MATR3: variants seen among roughly 807,000 people sequenced by gnomAD.
The protein encoded by MATR3 is matrin 3.
MATR3 carries 4 observed loss-of-function variants against 85.5 expected under a neutral mutation model. The ratio of observed to expected loss-of-function variants is 0.05; its 90% CI spans 0.02 to 0.11. The LOEUF is 0.11. Ranked by LOEUF, MATR3 falls within the 10% of genes least tolerant of loss-of-function variation. The probability of loss-of-function intolerance (pLI) is 1.00; values close to 1 mark genes in which losing one functional copy is unlikely to be tolerated. For synonymous variants in MATR3, 336 were observed against 343.1 expected (o/e 0.98, Z 0.23); for missense variants, 685 against 1,016.1 (o/e 0.67, Z 4.43).
chr5:139,322,913 A>G lies in MATR3; in HGVS notation c.2094A>G (p.Lys698=). The G allele has an allele frequency of 6.2e-7, 1 of 1,614,048 alleles. No individual in the cohort carries two copies. Among genetic ancestry groups the G allele is most frequent in the Non-Finnish European group, 8.5e-7 (1 of 1,180,004 alleles). ...ATGGGAAAAAGGAACCATCAGATAA[A>G]GCTGTGAAAAAAGATGGAAGTGCTT... ...ASDGKKEPSD[K]AVKKDGSASA... is the part of the protein sequence containing the mutation. Residue 698 remains lysine, a synonymous_variant, in exon 12 of 15, where the codon AAA becomes AAG. Transcript: ENST00000394805.
Position 139,307,508 on chromosome 5 carries a change from T to G in MATR3, c.93T>G (p.Ala31=), listed in dbSNP as rs758775566. ...CGGCAGGAATAGGCCTTCTTGCTGC[T>G]GCTACCCAGTCTTTAAGTATGCCAG... ...LSAAGIGLLA[A]ATQSLSMPAS... is the part of the protein sequence containing the mutation. Residue 31 remains alanine, a synonymous_variant, in exon 2 of 15, where the codon GCT becomes GCG. Transcript: ENST00000394805. The surrounding 1 kb of genome is among the most constrained non-coding windows in gnomAD (Gnocchi z 4.4). 3 of 1,614,116 alleles carry G rather than the reference T, an allele frequency of 1.9e-6. No individual in the cohort carries two copies. The highest frequency in any genetic ancestry group is 2.5e-6 in the Non-Finnish European group (3 of 1,180,006).
intron 9 of MATR3, among the ~76,000 whole-genome samples, chr5:139,320,857 C>T (rs1755527637): frequency 6.7e-6 from 1 of 149,518 alleles, no homozygotes; most frequent in African/African-American, 2.5e-5. Flanking sequence ...ATGGCATTCT[C>T]CTGCCTCAGC....
At chr5:139,296,737 A>G (rs1226791899) in intron 1 of MATR3, among the ~76,000 whole-genome samples, 1 of 152,244 alleles carries the variant, frequency 6.6e-6, no homozygotes, top group African/African-American at 2.4e-5. Context: ...AATAGTACTA[A>G]TTAGCTTACA....
At chr5:139,278,227 C>CA (rs1353225493) in intron 2 of MATR3, 1 of 378,636 alleles carries the variant, frequency 2.6e-6, no homozygotes, top group Non-Finnish European at 5.3e-6. Context: ...GACCCTATCT[C>CA]AAAAAATATA....
chr5:139,275,861 A>G (rs13154175), intron 1 of MATR3, among the ~76,000 whole-genome samples: 1 of 152,214 alleles, frequency 6.6e-6, no homozygotes, highest in African/African-American at 2.4e-5. Context: ...CTCGCCCAGT[A>G]TCATTTGGCT....
intron 1 of MATR3, among the ~76,000 whole-genome samples, chr5:139,305,497 A>AT (rs1286772774): frequency 1.3e-5 from 2 of 152,176 alleles, no homozygotes; most frequent in Non-Finnish European, 2.9e-5. Context: ...ATACTTCAAC[A>AT]TTTTTATTTT....
intron 3 of MATR3, among the ~76,000 whole-genome samples, chr5:139,285,768 A>G (rs1274331888): frequency 6.6e-6 from 1 of 152,216 alleles, no homozygotes; most frequent in East Asian, 1.9e-4. Flanking sequence ...TTCTGGAGCT[A>G]GAGAACACAA....
rs758494263 is a variant in MATR3, at chr5:139,321,884, T to C, written c.1603-14T>C. The C allele has an allele frequency of 3.1e-6, 5 of 1,610,920 alleles. No individual in the cohort carries two copies. Among genetic ancestry groups the C allele is most frequent in the Non-Finnish European group, 3.4e-6 (4 of 1,178,840 alleles). ...ATATAATGTGCTTTGTGGTTTCTTT[T>C]CTTTCTTTTTAAGGCTTTTATTGAG... On this transcript the variant is annotated splice_polypyrimidine_tract_variant and intron_variant, in intron 9 of 14. Coordinates refer to ENST00000394805, the MANE Select transcript of MATR3 (RefSeq NM_018834.6).
chr5:139,290,143 C>T (rs903474684), upstream of MATR3, among the ~76,000 whole-genome samples: 6 of 151,728 alleles, frequency 4.0e-5, no homozygotes, highest in Non-Finnish European at 7.4e-5. Context: ...CAAGGATTGG[C>T]GCTCAGGCCT....
upstream of MATR3, among the ~76,000 whole-genome samples, chr5:139,292,568 G>A (rs1479354471): frequency 1.3e-5 from 2 of 152,186 alleles, no homozygotes; most frequent in Non-Finnish European, 2.9e-5. Flanking sequence ...TCAGTCCCAA[G>A]AGTGTATTGC....
chr5:139,322,977 GATACAT>G lies in MATR3; in HGVS notation c.2148+11_2148+16del. On this transcript the variant is annotated intron_variant, in intron 12 of 14. Transcript: ENST00000394805. ...GAAAAAGCTTAAAAAGGTAAAGAAA[GATACAT>G]TGATTTGTTTTAATAGAACATTAGA... 6.5e-7 allele frequency: 1 copy of G among 1,542,350 alleles called. No individual in the cohort carries two copies. Among genetic ancestry groups the G allele is most frequent in the Non-Finnish European group, 8.9e-7 (1 of 1,124,762 alleles).
intron 12 of MATR3, 140 bp from the exon 13 acceptor site, chr5:139,325,300 G>GT (rs1561944637): frequency 6.4e-7 from 1 of 1,556,842 alleles, no homozygotes; most frequent in South Asian, 1.2e-5. Flanking sequence ...TAACAGCGTC[G>GT]TTTTCCAGGG....
chr5:139,275,142 A>ATTTTTT (rs750841386), intron 1 of MATR3, among the ~76,000 whole-genome samples: 70 of 40,914 alleles, frequency 1.7e-3, no homozygotes, highest in Admixed American at 2.5e-3. Context: ...CGCCCGGCTA[A>ATTTTTT]TTTTTTTTTT....
intron 1 of MATR3, chr5:139,274,430 G>A (rs1333446295): frequency 2.3e-5 from 5 of 221,054 alleles, no homozygotes; most frequent in Non-Finnish European, 3.7e-5. Flanking sequence ...ACTTTGGAAG[G>A]TTTGTGAGGA....
rs180890284 is a variant in MATR3 at position 139,323,454 on chromosome 5, G to A, written c.2148+487G>A. Among the ~76,000 whole-genome samples, 1,322 of 152,258 alleles carry A rather than the reference G, an allele frequency of 8.7e-3. 7 individuals carry two copies. Among genetic ancestry groups the A allele is most frequent in the Admixed American group, 0.014 (221 of 15,294 alleles). ...AAAACAATTTTATTTGAACAAGTAA[G>A]TCATTTAGAAGCCATGTATAAAGTG... On this transcript the variant is annotated intron_variant, in intron 12 of 14. Coordinates refer to ENST00000394805, the MANE Select transcript of MATR3 (RefSeq NM_018834.6).
rs14109 is a variant in MATR3, at chr5:139,330,103, T to C, written c.*708T>C. Reference sequence around the variant, plus strand: ...CCAGTATTAATTTTTGAGATCTTACTGCTTGTCACTTGAATCCCGTGATTG... The same window carrying C: ...CCAGTATTAATTTTTGAGATCTTACCGCTTGTCACTTGAATCCCGTGATTG... On this transcript the variant is annotated 3_prime_UTR_variant, in exon 15 of 15. Coordinates refer to ENST00000394805, the MANE Select transcript of MATR3 (RefSeq NM_018834.6). The C allele has an allele frequency of 0.034, 15,455 of 454,522 alleles. 352 individuals carry two copies. The highest frequency in any genetic ancestry group is 0.047 in the Non-Finnish European group (10,750 of 226,770). 28.2% of individuals were successfully genotyped at this position (454,522 alleles called of 1,614,324 possible).
intron 12 of MATR3, among the ~76,000 whole-genome samples, chr5:139,323,832 AGT>A (rs1469947438): frequency 6.6e-6 from 1 of 152,200 alleles, no homozygotes; most frequent in Non-Finnish European, 1.5e-5. Flanking sequence ...CAGAAGTTGC[AGT>A]TAGCCAAGAT....
intron 14 of MATR3, 114 bp downstream of exon 14, chr5:139,326,398 C>A: frequency 3.3e-6 from 3 of 901,378 alleles, no homozygotes; most frequent in Non-Finnish European, 5.1e-6. Flanking sequence ...GCAGTGCTTT[C>A]TCCTGAAGAT....
chr5:139,325,151 C>T (rs780001828), intron 12 of MATR3: 3 of 1,133,658 alleles, frequency 2.6e-6, no homozygotes, highest in Non-Finnish European at 3.6e-6. Context: ...CGAGATCGCG[C>T]CACTGCACCC....
Sources: allele counts gnomAD v4.1 joint callset (sites outside exome capture counted in the v4.1 genomes callset), GRCh38; gene constraint gnomAD v4.1.1; non-coding constraint Gnocchi (gnomAD v3.1); transcripts MANE v1.5; gene names NCBI Gene and HGNC (gene_info 2026-07-23, HGNC 2026-07-21).